The following BDP1 variants were observed in gnomAD, a reference collection of about 807,000 sequenced individuals.
BDP1 encodes transcription factor TFIIIB component B'' homolog.
Under a neutral mutation model 266.6 loss-of-function variants are expected in BDP1, and 169 were observed. The observed-to-expected ratio is 0.63, with a 90% CI of 0.56 to 0.72. The LOEUF (loss-of-function observed/expected upper bound fraction) is 0.72, where lower values mean the gene tolerates loss of function less well. Among genes scored for constraint, BDP1 ranks in the 30% least tolerant of loss-of-function variants. The pLI, the probability that BDP1 is intolerant of heterozygous loss-of-function variation, is 0.00. For synonymous variants in BDP1, 1,090 were observed against 1,022.4 expected (o/e 1.07, Z -1.26); for missense variants, 3,015 against 3,053.8 (o/e 0.99, Z 0.30).
At chr5:71,457,885 A>G (rs542197247) in intron 1 of BDP1, among the ~76,000 whole-genome samples, 2 of 152,332 alleles carry the variant, frequency 1.3e-5, no homozygotes, top group South Asian at 4.1e-4. Flanking sequence ...AGTTGCATTT[A>G]TAGACCATTC....
At chr5:71,561,826 A>T (rs1271467815) in intron 37 of BDP1, among the ~76,000 whole-genome samples, 2 of 152,174 alleles carry the variant, frequency 1.3e-5, no homozygotes, top group Admixed American at 1.3e-4. Context: ...TAAGATCCCC[A>T]AGTGATTTGA....
At chr5:71,476,245 T>G (rs1762570616) in intron 7 of BDP1, 1 of 153,402 alleles carries the variant, frequency 6.5e-6, no homozygotes, top group African/African-American at 2.4e-5. Context: ...CACGCCAACC[T>G]TTGCATCAGG....
At chr5:71,465,961 A>G in intron 4 of BDP1, 135 bp from the exon 5 acceptor site, 10 of 877,350 alleles carry the variant, frequency 1.1e-5, no homozygotes, top group Non-Finnish European at 1.5e-5. Flanking sequence ...AATAACACAT[A>G]CTGTTTTCAT....
At chr5:71,466,845 A>G (rs1405426404) in intron 5 of BDP1, among the ~76,000 whole-genome samples, 1 of 152,192 alleles carries the variant, frequency 6.6e-6, no homozygotes, top group Admixed American at 6.5e-5. Flanking sequence ...TATAGCATTC[A>G]CATTCTATAA....
intron 38 of BDP1, 117 bp downstream of exon 38, chr5:71,562,637 A>G: frequency 2.0e-6 from 3 of 1,484,628 alleles, no homozygotes; most frequent in Non-Finnish European, 2.7e-6. Context: ...ATTTTAGAGC[A>G]ACTCCCATCC....
chr5:71,456,165 AT>A, intron 1 of BDP1, 76 bp downstream of exon 1: 1 of 1,392,722 alleles, frequency 7.2e-7, no homozygotes, highest in Non-Finnish European at 9.9e-7. Flanking sequence ...GAGCAAATGA[AT>A]TTTATCACAG....
chr5:71,500,906 C>G (rs1303607190), intron 13 of BDP1, among the ~76,000 whole-genome samples: 1 of 151,760 alleles, frequency 6.6e-6, no homozygotes, highest in East Asian at 1.9e-4. Context: ...TTGAAACAAG[C>G]CTGGGCAACA....
chr5:71,463,386 C>T (rs1761693869), intron 3 of BDP1, among the ~76,000 whole-genome samples: 1 of 152,092 alleles, frequency 6.6e-6, no homozygotes, highest in Non-Finnish European at 1.5e-5. Flanking sequence ...TCAGATTCAC[C>T]AGGTCTTTGG....
At chr5:71,481,047 G>T (rs1182733988) in intron 7 of BDP1, among the ~76,000 whole-genome samples, 2 of 151,902 alleles carry the variant, frequency 1.3e-5, no homozygotes, top group African/African-American at 2.4e-5. Context: ...GGTGGCGTGC[G>T]CCTGTAGTCC....
At chr5:71,469,608 TATG>T (rs1410835887) in intron 6 of BDP1, among the ~76,000 whole-genome samples, 1 of 151,884 alleles carries the variant, frequency 6.6e-6, no homozygotes, top group Non-Finnish European at 1.5e-5. Context: ...GATGCTTTTG[TATG>T]ATTTCTTTTT....
intron 35 of BDP1, among the ~76,000 whole-genome samples, chr5:71,556,430 A>G (rs941747771): frequency 6.6e-6 from 1 of 152,106 alleles, no homozygotes; most frequent in African/African-American, 2.4e-5. Flanking sequence ...GTTATATTTT[A>G]TAGTGTTAAG....
intron 16 of BDP1, 60 bp from the exon 17 acceptor site, chr5:71,509,405 A>T: frequency 1.4e-6 from 2 of 1,467,390 alleles, no homozygotes; most frequent in East Asian, 4.7e-5. Context: ...CTCAAACATC[A>T]TCTCTTCAGC....
chr5:71,545,703 G>C (rs1045539026), intron 32 of BDP1, among the ~76,000 whole-genome samples: 1 of 152,116 alleles, frequency 6.6e-6, no homozygotes, highest in Admixed American at 6.6e-5. Flanking sequence ...TACATGAACA[G>C]TTCCATAAAA....
chr5:71,478,011 G>A (rs1207579212), intron 7 of BDP1, among the ~76,000 whole-genome samples: 3 of 152,186 alleles, frequency 2.0e-5, no homozygotes, highest in Non-Finnish European at 2.9e-5. Context: ...AGCACTTTGG[G>A]AGGCCGAGGC....
intron 3 of BDP1, among the ~76,000 whole-genome samples, chr5:71,462,150 A>G (rs1218975554): frequency 6.6e-6 from 1 of 151,816 alleles, no homozygotes; most frequent in African/African-American, 2.4e-5. Context: ...TTTAGTAGAG[A>G]CTGGGTTTCG....
At chr5:71,527,213 G>C (rs1470151025) in intron 25 of BDP1, among the ~76,000 whole-genome samples, 1 of 152,034 alleles carries the variant, frequency 6.6e-6, no homozygotes, top group Non-Finnish European at 1.5e-5. Context: ...GAGCTACTGC[G>C]TTCTTTTTTA....
chr5:71,542,869 TA>T (rs1405042669), intron 30 of BDP1, among the ~76,000 whole-genome samples: 1 of 151,606 alleles, frequency 6.6e-6, no homozygotes, highest in Non-Finnish European at 1.5e-5. Context: ...TGGAGAAAAT[TA>T]AAAAAAAATT....
chr5:71,541,957 C>A, intron 29 of BDP1, 148 bp from the exon 30 acceptor site: 1 of 645,462 alleles, frequency 1.5e-6, no homozygotes, highest in Non-Finnish European at 2.5e-6. Context: ...AAAGTTACTA[C>A]TTTGTAATTT....
At chr5:71,457,159 A>T (rs1761246000) in intron 1 of BDP1, among the ~76,000 whole-genome samples, 1 of 152,128 alleles carries the variant, frequency 6.6e-6, no homozygotes, top group South Asian at 2.1e-4. Flanking sequence ...GTGATGGTTG[A>T]TAATTTAATA....
Sources: allele counts gnomAD v4.1 joint callset (sites outside exome capture counted in the v4.1 genomes callset), GRCh38; gene constraint gnomAD v4.1.1; transcripts MANE v1.5; gene names NCBI Gene and HGNC (gene_info 2026-07-23, HGNC 2026-07-21).